The following FBXO36 variants were observed in gnomAD, a reference collection of about 807,000 sequenced individuals.
FBXO36 encodes F-box protein 36.
In FBXO36, 18 loss-of-function variants were observed where a neutral mutation model predicts 17.0. That is an observed-to-expected ratio of 1.06 (90% CI 0.73 to 1.57). The LOEUF is 1.57. Among genes scored for constraint, FBXO36 ranks in the 40% most tolerant of loss-of-function variants. The pLI is 0.00. For synonymous variants in FBXO36, 83 were observed against 85.3 expected, an observed-to-expected ratio of 0.97 and a Z score of 0.15; for missense variants, 229 against 221.9, an observed-to-expected ratio of 1.03 and a Z score of -0.20.
At chr2:229,994,552 T>C (rs2077315078) in intron 2 of FBXO36, among the ~76,000 whole-genome samples, 1 of 152,200 alleles carries the variant, frequency 6.6e-6, no homozygotes, top group South Asian at 2.1e-4. Context: ...TCCGCCTGCT[T>C]CTGCAGGGAG....
intron 3 of FBXO36, among the ~76,000 whole-genome samples, chr2:230,006,166 G>C (rs2077386352): frequency 6.8e-6 from 1 of 146,702 alleles, no homozygotes; most frequent in Non-Finnish European, 1.5e-5. Flanking sequence ...CACAATCTTG[G>C]CTCACTGTAA....
chr2:229,933,506 C>T (rs951016174), intron 1 of FBXO36, among the ~76,000 whole-genome samples: 1 of 152,132 alleles, frequency 6.6e-6, no homozygotes, highest in African/African-American at 2.4e-5. Context: ...GTGGCTACTT[C>T]ACAAATATAG....
intron 3 of FBXO36, among the ~76,000 whole-genome samples, chr2:229,997,136 G>A (rs1470076845): frequency 6.6e-6 from 1 of 151,976 alleles, no homozygotes; most frequent in Non-Finnish European, 1.5e-5. Context: ...AATACAGCGT[G>A]ATCAGTTCAA....
chr2:229,947,810 TGA>T (rs1259179954), intron 1 of FBXO36, among the ~76,000 whole-genome samples: 1 of 152,206 alleles, frequency 6.6e-6, no homozygotes, highest in Non-Finnish European at 1.5e-5. Context: ...GGGAAGATGA[TGA>T]GATCAGTTTT....
intron 1 of FBXO36, among the ~76,000 whole-genome samples, chr2:229,945,481 A>G (rs1252508516): frequency 6.6e-6 from 1 of 151,692 alleles, no homozygotes; most frequent in Non-Finnish European, 1.5e-5. Context: ...TAATTTTTGT[A>G]TTTTTGATAG....
Position 230,010,933 on chromosome 2 carries a change from T to C in FBXO36, c.*49T>C. 1 of 1,520,000 alleles carries C rather than the reference T, an allele frequency of 6.6e-7. No individual in the cohort carries two copies. The highest frequency in any genetic ancestry group is 8.9e-7 in the Non-Finnish European group (1 of 1,125,012). 94.2% of individuals were successfully genotyped at this position (1,520,000 alleles called of 1,614,324 possible). On this transcript the variant is annotated 3_prime_UTR_variant, in exon 4 of 4. Coordinates refer to ENST00000283946, the MANE Select transcript of FBXO36 (RefSeq NM_174899.5). ...GAGCTCAGGCATGGCTGTGTTTCTC[T>C]TCAGTGTCCAAATCTCTTCTGTCTC...
chr2:229,930,396 T>C (rs971874685), intron 1 of FBXO36, among the ~76,000 whole-genome samples: 1 of 152,162 alleles, frequency 6.6e-6, no homozygotes, highest in African/African-American at 2.4e-5. Flanking sequence ...TTTACACTCC[T>C]CTTTTCAGCT....
At chr2:230,005,795 G>A (rs1168855483) in intron 3 of FBXO36, among the ~76,000 whole-genome samples, 1 of 152,110 alleles carries the variant, frequency 6.6e-6, no homozygotes, top group Non-Finnish European at 1.5e-5. Context: ...AGCCTCCTGA[G>A]TAGCTGGGAT....
chr2:229,988,817 C>T (rs2077282487), intron 2 of FBXO36, among the ~76,000 whole-genome samples: 1 of 148,888 alleles, frequency 6.7e-6, no homozygotes, highest in Admixed American at 6.7e-5. Flanking sequence ...CGTGAGCCAC[C>T]ATGCTGGCCT....
intron 1 of FBXO36, among the ~76,000 whole-genome samples, chr2:229,954,603 A>C (rs1370337798): frequency 2.3e-5 from 3 of 129,002 alleles, no homozygotes; most frequent in Non-Finnish European, 4.7e-5. Context: ...GCTGGAGTGC[A>C]GTGGCGCGAT....
At chr2:229,934,311 G>A (rs904286255) in intron 1 of FBXO36, among the ~76,000 whole-genome samples, 3 of 152,128 alleles carry the variant, frequency 2.0e-5, no homozygotes, top group Non-Finnish European at 2.9e-5. Flanking sequence ...TGAGGCAGGA[G>A]AATGGCATGA....
intron 3 of FBXO36, among the ~76,000 whole-genome samples, chr2:229,997,835 T>C (rs2077335552): frequency 6.6e-6 from 1 of 152,184 alleles, no homozygotes; most frequent in South Asian, 2.1e-4. Flanking sequence ...TTGTCAAGGC[T>C]TCAGTGTGAC....
chr2:229,974,907 G>A (rs780232326), intron 1 of FBXO36, among the ~76,000 whole-genome samples: 1 of 152,110 alleles, frequency 6.6e-6, no homozygotes. Context: ...AGCCCCCAGT[G>A]TGACTGTATT....
intron 2 of FBXO36, among the ~76,000 whole-genome samples, chr2:229,978,771 A>C (rs1289581591): frequency 6.6e-6 from 1 of 152,160 alleles, no homozygotes; most frequent in African/African-American, 2.4e-5. Context: ...CTTACAGCTA[A>C]ATACTGACAT....
intron 1 of FBXO36, among the ~76,000 whole-genome samples, chr2:229,941,227 A>G (rs926917129): frequency 6.6e-6 from 1 of 152,104 alleles, no homozygotes; most frequent in Non-Finnish European, 1.5e-5. Flanking sequence ...AGGCCGAGGC[A>G]GGCAGATCAC....
chr2:229,983,647 A>C (rs910354009), intron 2 of FBXO36, among the ~76,000 whole-genome samples: 1 of 152,118 alleles, frequency 6.6e-6, no homozygotes, highest in African/African-American at 2.4e-5. Flanking sequence ...CATGTTTATT[A>C]ATTTAAACAT....
chr2:229,982,973 G>C (rs1449331279), intron 2 of FBXO36, among the ~76,000 whole-genome samples: 1 of 151,982 alleles, frequency 6.6e-6, no homozygotes, highest in Non-Finnish European at 1.5e-5. Flanking sequence ...TTTTTTAACA[G>C]ATTTGCATTT....
intron 1 of FBXO36, among the ~76,000 whole-genome samples, chr2:229,931,667 C>T (rs1003670396): frequency 2.6e-5 from 4 of 151,932 alleles, no homozygotes; most frequent in South Asian, 4.2e-4. Flanking sequence ...GGTGAAACCC[C>T]GTCTCTACTA....
At chr2:229,951,034 A>G (rs1228189697) in intron 1 of FBXO36, among the ~76,000 whole-genome samples, 2 of 152,020 alleles carry the variant, frequency 1.3e-5, no homozygotes, top group African/African-American at 2.4e-5. Context: ...CCTGGGTTCA[A>G]GCGATTCTCC....
Sources: gnomAD v4.1 joint callset for allele counts (sites outside exome capture counted in the v4.1 genomes callset) on GRCh38, gnomAD v4.1.1 for gene constraint, MANE v1.5 for transcripts, NCBI Gene and HGNC (gene_info 2026-07-23, HGNC 2026-07-21) for gene names.